Variants in RBMS3 observed in about 807,000 individuals in gnomAD.
RBMS3 encodes the protein RNA binding motif single stranded interacting protein 3.
Under a neutral mutation model 66.8 loss-of-function variants are expected in RBMS3, and 27 were observed. The observed-to-expected ratio is 0.40, with a 90% CI of 0.30 to 0.56. The LOEUF (loss-of-function observed/expected upper bound fraction) is 0.56, where lower values mean the gene tolerates loss of function less well. Among genes scored for constraint, RBMS3 ranks in the 20% least tolerant of loss-of-function variants. The pLI is 0.40. For synonymous variants in RBMS3, 188 were observed against 183.0 expected (o/e 1.03, Z -0.22); for missense variants, 513 against 549.5 (o/e 0.93, Z 0.66).
chr3:29,515,257 G>A (rs193290464), intron 3 of RBMS3, among the ~76,000 whole-genome samples: 6 of 152,310 alleles, frequency 3.9e-5, no homozygotes, highest in Admixed American at 3.3e-4. Flanking sequence ...GAAAAGGAAA[G>A]AGCATGGAAA....
intron 1 of RBMS3, among the ~76,000 whole-genome samples, chr3:29,432,222 G>T (rs955671981): frequency 6.6e-6 from 1 of 152,176 alleles, no homozygotes; most frequent in African/African-American, 2.4e-5. Flanking sequence ...TGTATTCTGA[G>T]ATTTAGAATT....
intron 5 of RBMS3, among the ~76,000 whole-genome samples, chr3:29,745,772 T>A (rs2054863677): frequency 1.3e-5 from 2 of 152,184 alleles, no homozygotes; most frequent in South Asian, 4.1e-4. Context: ...ATACTCTTAA[T>A]CTGATTCTCA....
chr3:29,649,024 T>A (rs188602303), intron 4 of RBMS3, among the ~76,000 whole-genome samples: 1 of 152,326 alleles, frequency 6.6e-6, no homozygotes, highest in Non-Finnish European at 1.5e-5. Flanking sequence ...ACATGGTAAC[T>A]TTGTCCTCAT....
intron 1 of RBMS3, among the ~76,000 whole-genome samples, chr3:29,302,115 T>G: frequency 6.6e-6 from 1 of 152,016 alleles, no homozygotes; most frequent in Non-Finnish European, 1.5e-5. Context: ...GTTCAAGTGA[T>G]CTTCCTGCCT....
chr3:29,558,878 T>C (rs1480538344), intron 3 of RBMS3, among the ~76,000 whole-genome samples: 4 of 152,156 alleles, frequency 2.6e-5, no homozygotes, highest in Non-Finnish European at 4.4e-5. Flanking sequence ...AACCACTGAT[T>C]TGCATTAACA....
At chr3:29,455,943 G>T (rs1431021829) in intron 2 of RBMS3, among the ~76,000 whole-genome samples, 1 of 152,118 alleles carries the variant, frequency 6.6e-6, no homozygotes, top group Non-Finnish European at 1.5e-5. Flanking sequence ...TGCATATCAG[G>T]CTGTCAAATT....
intron 6 of RBMS3, among the ~76,000 whole-genome samples, chr3:29,816,930 A>C (rs1478088008): frequency 6.6e-6 from 1 of 152,034 alleles, no homozygotes; most frequent in East Asian, 1.9e-4. Context: ...TCTCTACTAA[A>C]GATACAAAAA....
intron 1 of RBMS3, among the ~76,000 whole-genome samples, chr3:29,363,383 G>T (rs1293108655): frequency 6.6e-6 from 1 of 152,084 alleles, no homozygotes. Flanking sequence ...TACCTACAGA[G>T]ACTCTCTAAT....
intron 8 of RBMS3, among the ~76,000 whole-genome samples, chr3:29,894,608 C>T (rs1353880367): frequency 1.3e-5 from 2 of 151,462 alleles, no homozygotes; most frequent in Non-Finnish European, 3.0e-5. Context: ...TCCTTAGACA[C>T]CCCATCTCCA....
intron 10 of RBMS3, among the ~76,000 whole-genome samples, chr3:29,927,550 G>A (rs561680919): frequency 2.6e-5 from 4 of 152,194 alleles, no homozygotes; most frequent in Non-Finnish European, 5.9e-5. Flanking sequence ...CAAGTGACCG[G>A]TAGCCTGGGT....
At chr3:29,947,042 AAAG>A (rs1301072387) in intron 12 of RBMS3, among the ~76,000 whole-genome samples, 1 of 151,658 alleles carries the variant, frequency 6.6e-6, no homozygotes, top group Non-Finnish European at 1.5e-5. Flanking sequence ...AAGGAAGAAA[AAAG>A]AAGGCAGTGG....
At chr3:29,628,166 G>A (rs2049141531) in intron 4 of RBMS3, among the ~76,000 whole-genome samples, 1 of 152,136 alleles carries the variant, frequency 6.6e-6, no homozygotes, top group African/African-American at 2.4e-5. Context: ...TCTTGCACAG[G>A]TCAACTGTAG....
intron 14 of RBMS3, 138 bp from the exon 15 acceptor site, chr3:30,003,718 T>G: frequency 2.0e-6 from 1 of 512,106 alleles, no homozygotes; most frequent in Non-Finnish European, 3.2e-6. Context: ...AGACTCAGTA[T>G]GATTTTATGA....
intron 3 of RBMS3, among the ~76,000 whole-genome samples, chr3:29,584,339 A>C (rs556614341): frequency 6.6e-6 from 1 of 152,112 alleles, no homozygotes; most frequent in East Asian, 1.9e-4. Flanking sequence ...TAAATGCTGA[A>C]GTTGTTTGAG....
intron 3 of RBMS3, among the ~76,000 whole-genome samples, chr3:29,502,107 G>A (rs1576029890): frequency 6.6e-6 from 1 of 151,992 alleles, no homozygotes; most frequent in East Asian, 1.9e-4. Flanking sequence ...GCCTTTTAGC[G>A]GGACCTAAAC....
chr3:29,559,018 TAGATAAGTCA>T (rs2046449910), intron 3 of RBMS3, among the ~76,000 whole-genome samples: 1 of 152,156 alleles, frequency 6.6e-6, no homozygotes, highest in Non-Finnish European at 1.5e-5. Context: ...CAATATTGCA[TAGATAAGTCA>T]GTGTGTGAGA....
At position 29,295,380 on chromosome 3, in the gene RBMS3, CAT is replaced by C. The variant is rs749923593; in HGVS notation, c.75+13633_75+13634del. On this transcript the variant is annotated intron_variant, in intron 1 of 14. Transcript: ENST00000383767. ...ATACACACACATATATATATATACA[CAT>C]ATATATATGTTTCATGAAATTTTAG... Among the ~76,000 whole-genome samples, 25 of 144,944 alleles carry C rather than the reference CAT, an allele frequency of 1.7e-4. No homozygotes were observed. The East Asian group carries it at 1.8e-3, about 10-fold the overall frequency.
In RBMS3 at chr3:30,003,951, C is replaced by A; in HGVS notation, c.*89C>A. ...GTTGGCTTCCAGTTTGCACAGACGT[C>A]AATGGAATGCATTTTTTTGTTGTTG... On this transcript the variant is annotated 3_prime_UTR_variant, in exon 15 of 15. Transcript: ENST00000383767. 2.8e-6 allele frequency: 3 copies of A among 1,072,708 alleles called. No individual in the cohort carries two copies. Among genetic ancestry groups the A allele is most frequent in the Non-Finnish European group, 3.8e-6 (3 of 786,340 alleles). 66.4% of individuals were successfully genotyped at this position (1,072,708 alleles called of 1,614,324 possible). A position where few individuals can be genotyped will look rare whatever the true frequency, so the allele number is the denominator to read the frequency against.
intron 4 of RBMS3, among the ~76,000 whole-genome samples, chr3:29,680,727 A>T (rs73831631): frequency 6.6e-6 from 1 of 151,968 alleles, no homozygotes; most frequent in African/African-American, 2.4e-5. Flanking sequence ...TATGCCCGTC[A>T]CTCTTTCATT....
Sources: allele counts gnomAD v4.1 joint callset (sites outside exome capture counted in the v4.1 genomes callset), GRCh38; gene constraint gnomAD v4.1.1; transcripts MANE v1.5; gene names NCBI Gene and HGNC (gene_info 2026-07-23, HGNC 2026-07-21).